Variants in SNX29 observed in about 807,000 individuals in gnomAD.
SNX29 encodes the protein sorting nexin 29.
SNX29 carries 78 observed loss-of-function variants against 102.1 expected under a neutral mutation model. The observed-to-expected ratio is 0.76, with a 90% CI of 0.64 to 0.92. The LOEUF (loss-of-function observed/expected upper bound fraction) is 0.92. Among genes scored for constraint, SNX29 ranks in the 40% least tolerant of loss-of-function variants. The pLI is 0.00. For missense variants in SNX29, 1,280 were observed against 1,061.7 expected (o/e 1.21, Z -2.86); for synonymous variants, 580 against 414.5 (o/e 1.40, Z -4.85).
intron 11 of SNX29, among the ~76,000 whole-genome samples, chr16:12,090,988 G>A (rs1241149884): frequency 8.6e-5 from 11 of 127,174 alleles, no homozygotes; most frequent in East Asian, 2.6e-4. Context: ...GCACTCCAGC[G>A]TGGGCGACAG....
At position 12,245,199 on chromosome 16, in the gene SNX29, C is replaced by T. The variant is rs148283648; in HGVS notation, c.1679-32734C>T. ...GCTCTGAAATTGGTCGTTCTTACAG[C>T]GGAATCCTGGCATTGCTCCCTATGA... On this transcript the variant is annotated intron_variant, in intron 14 of 20. Transcript: ENST00000566228. 4.2e-3 allele frequency among the ~76,000 whole-genome samples: 636 copies of T among 152,192 alleles called. 5 individuals are homozygous for T. Among genetic ancestry groups the T allele is most frequent in the African/African-American group, 0.013 (552 of 41,516 alleles).
intron 13 of SNX29, among the ~76,000 whole-genome samples, chr16:12,175,697 C>G (rs1331696922): frequency 2.0e-5 from 3 of 151,202 alleles, no homozygotes; most frequent in Admixed American, 2.0e-4. Flanking sequence ...AGGACCGATA[C>G]CCTTATAAGA....
At position 12,459,434 on chromosome 16, in the gene SNX29, C is replaced by T. The variant is rs1364544823; in HGVS notation, c.2038-18285C>T. The stretch of plus-strand genomic sequence containing the variant: ...GCCTACTCTAGGGTCAGAGCTGGAG[C>T]GGGACCCATAGGGAGCCCAGAGACA... On this transcript the variant is annotated intron_variant, in intron 18 of 20. Coordinates refer to ENST00000566228, the MANE Select transcript of SNX29 (RefSeq NM_032167.5). Among the ~76,000 whole-genome samples the T allele has an allele frequency of 2.6e-5, 4 of 152,038 alleles. 1 individual carries two copies. The highest frequency in any genetic ancestry group is 3.9e-4 in the East Asian group (2 of 5,160).
chr16:12,545,488 C>G (rs1286258598), intron 20 of SNX29: 6 of 152,290 alleles, frequency 3.9e-5, no homozygotes, highest in African/African-American at 1.4e-4. Context: ...CCTCCTGCAA[C>G]TGTGGCAAGA....
At chr16:12,508,896 G>T (rs7202051) in intron 19 of SNX29, among the ~76,000 whole-genome samples, 6,874 of 152,138 alleles carry the variant, frequency 0.045, 356 homozygotes, top group African/African-American at 0.12. Context: ...TGGCCCTGGA[G>T]TCCCTACACT....
intron 1 of SNX29, chr16:11,983,670 A>T: frequency 1.0e-6 from 1 of 985,372 alleles, no homozygotes; most frequent in Non-Finnish European, 1.2e-6. Context: ...ACTAGGTCCT[A>T]CTGATGTTGG....
intron 14 of SNX29, among the ~76,000 whole-genome samples, chr16:12,273,550 G>C (rs2079155306): frequency 6.6e-6 from 1 of 151,912 alleles, no homozygotes; most frequent in South Asian, 2.1e-4. Flanking sequence ...GTAGAGACAG[G>C]GTTTCACCAT....
chr16:12,561,414 C>A (rs979013545), intron 20 of SNX29, among the ~76,000 whole-genome samples: 1 of 152,160 alleles, frequency 6.6e-6, no homozygotes, highest in African/African-American at 2.4e-5. Flanking sequence ...ACAGATCAGT[C>A]CTAGCTGGGT....
At chr16:12,320,563 A>C (rs571664975) in intron 15 of SNX29, among the ~76,000 whole-genome samples, 1 of 152,140 alleles carries the variant, frequency 6.6e-6, no homozygotes, top group Non-Finnish European at 1.5e-5. Context: ...AAGATTAACC[A>C]TGTGTGTGTT....
intron 13 of SNX29, among the ~76,000 whole-genome samples, chr16:12,131,731 G>C (rs1282777283): frequency 6.6e-6 from 1 of 152,204 alleles, no homozygotes; most frequent in African/African-American, 2.4e-5. Context: ...GGAGCCCAGA[G>C]TTAAGTCAGT....
intron 3 of SNX29, among the ~76,000 whole-genome samples, chr16:12,021,437 A>G (rs950583814): frequency 3.3e-5 from 5 of 149,658 alleles, no homozygotes; most frequent in African/African-American, 4.9e-5. Context: ...AAAAAAAAAA[A>G]TCAAGTAAAT....
chr16:12,140,396 C>T lies in SNX29; in HGVS notation c.1595+10638C>T, dbSNP rs367708915. ...GGGCCAGCTGTGTTACTTTTCCTGC[C>T]CAAGCCTGGGTCCCATTCCCCCTGG... On this transcript the variant is annotated intron_variant, in intron 13 of 20. Transcript: ENST00000566228. 3.3e-4 allele frequency among the ~76,000 whole-genome samples: 51 copies of T among 152,318 alleles called. 1 individual carries two copies. Among genetic ancestry groups the T allele is most frequent in the Middle Eastern group, 3.4e-3 (1 of 294 alleles).
At chr16:12,085,687 A>C (rs76324153) in intron 11 of SNX29, among the ~76,000 whole-genome samples, 1 of 133,870 alleles carries the variant, frequency 7.5e-6, no homozygotes, top group East Asian at 2.1e-4. Flanking sequence ...CTAGAATAAT[A>C]ATCTATCAAA....
At chr16:12,021,367 A>C (rs1054365766) in intron 3 of SNX29, among the ~76,000 whole-genome samples, 4 of 152,136 alleles carry the variant, frequency 2.6e-5, no homozygotes, top group African/African-American at 7.2e-5. Flanking sequence ...CAGAGGTTGC[A>C]GTGAGCGGAG....
chr16:12,357,736 G>T (rs917025034), intron 16 of SNX29, among the ~76,000 whole-genome samples: 1 of 152,018 alleles, frequency 6.6e-6, no homozygotes, highest in Non-Finnish European at 1.5e-5. Flanking sequence ...ATTCTACTTT[G>T]TTCCTCTATG....
chr16:12,157,043 G>A (rs921108285), intron 13 of SNX29, among the ~76,000 whole-genome samples: 2 of 152,172 alleles, frequency 1.3e-5, no homozygotes, highest in African/African-American at 2.4e-5. Context: ...CTACAGTGAG[G>A]GAGCCGGAGG....
intron 14 of SNX29, among the ~76,000 whole-genome samples, chr16:12,261,150 C>T (rs1236522308): frequency 6.8e-6 from 1 of 148,076 alleles, no homozygotes; most frequent in Non-Finnish European, 1.5e-5. Context: ...GAGCTCCAGT[C>T]TGTGCACGTG....
chr16:12,380,761 CCCACCCACCATCCATCCAT>C (rs1299025062), intron 16 of SNX29, among the ~76,000 whole-genome samples: 1 of 72,454 alleles, frequency 1.4e-5, no homozygotes, highest in African/African-American at 4.0e-5. Context: ...CATCCATCCA[CCCACCCACCATCCATCCAT>C]CCACCCATCC....
At chr16:12,066,169 T>A (rs891074271) in intron 9 of SNX29, among the ~76,000 whole-genome samples, 3 of 152,012 alleles carry the variant, frequency 2.0e-5, no homozygotes, top group Non-Finnish European at 2.9e-5. Context: ...GCATGTTGAG[T>A]CCCTGTCTTT....
Sources: gnomAD v4.1 joint callset for allele counts (sites outside exome capture counted in the v4.1 genomes callset) on GRCh38, gnomAD v4.1.1 for gene constraint, MANE v1.5 for transcripts, NCBI Gene and HGNC (gene_info 2026-07-23, HGNC 2026-07-21) for gene names.